Variants in RALYL observed in about 807,000 individuals in gnomAD.
RALYL encodes the protein RALY RNA binding protein like, also known as RNA-binding Raly-like protein.
A neutral mutation model predicts 35.1 loss-of-function variants in RALYL; 29 were observed. The ratio of observed to expected loss-of-function variants is 0.83; its 90% CI spans 0.61 to 1.13. The LOEUF is 1.13. RALYL is among the 50% of genes most tolerant of loss of function. RALYL has a pLI of 0.00. For synonymous variants in RALYL, 120 were observed against 127.6 expected (o/e 0.94, Z 0.40); for missense variants, 359 against 360.4 (o/e 1.00, Z 0.03).
Position 84,879,450 on chromosome 8 carries a change from A to G in RALYL, c.685+6053A>G, listed in dbSNP as rs1162277556. Among the ~76,000 whole-genome samples, 46 of 152,204 alleles carry G rather than the reference A, an allele frequency of 3.0e-4. 2 individuals are homozygous for G. The highest frequency in any genetic ancestry group is 3.0e-3 in the Admixed American group (46 of 15,262). On this transcript the variant is annotated intron_variant, in intron 7 of 8. Coordinates refer to ENST00000521268, the MANE Select transcript of RALYL (RefSeq NM_173848.7). ...AAAATTGTGTAAAAACTGAAAATTT[A>G]TTAAATCCAATTTACAATATGATTC... is the stretch of plus-strand genomic sequence containing the variant.
chr8:84,355,724 T>C (rs1486798810), intron 1 of RALYL, among the ~76,000 whole-genome samples: 2 of 150,182 alleles, frequency 1.3e-5, no homozygotes, highest in Non-Finnish European at 1.5e-5. Flanking sequence ...AAGTGGAAAG[T>C]GAGAAATCTA....
rs182686923 is a variant in RALYL, at chr8:84,215,635, C to T, written c.-24+31211C>T. Among the ~76,000 whole-genome samples the T allele has an allele frequency of 4.3e-4, 65 of 151,878 alleles. 1 individual carries two copies. Among genetic ancestry groups the T allele is most frequent in the Admixed American group, 3.8e-3 (58 of 15,244 alleles). On this transcript the variant is annotated intron_variant, in intron 1 of 8. Transcript: ENST00000521268. ...CTGTAGCTGCTTCTCTCTTTCCTGC[C>T]AATTTACTTCCTTGTCATATTAACA...
chr8:84,415,298 A>G (rs2044566455), intron 1 of RALYL, among the ~76,000 whole-genome samples: 1 of 150,258 alleles, frequency 6.7e-6, no homozygotes, highest in Non-Finnish European at 1.5e-5. Context: ...GCAACGGTGC[A>G]ATCTCGGCTC....
chr8:84,788,488 A>G (rs1177076001), intron 3 of RALYL, among the ~76,000 whole-genome samples: 1 of 152,220 alleles, frequency 6.6e-6, no homozygotes, highest in East Asian at 1.9e-4. Context: ...AAAAATGACA[A>G]ACACCATACA....
intron 1 of RALYL, among the ~76,000 whole-genome samples, chr8:84,426,375 C>T (rs768895066): frequency 3.3e-5 from 5 of 151,634 alleles, no homozygotes; most frequent in Admixed American, 1.3e-4. Flanking sequence ...CACTGATCTA[C>T]ATCTCCCCAT....
chr8:84,342,413 T>C (rs1849033061), intron 1 of RALYL, among the ~76,000 whole-genome samples: 1 of 149,776 alleles, frequency 6.7e-6, no homozygotes, highest in Non-Finnish European at 1.5e-5. Flanking sequence ...TTGATGTCTA[T>C]GGTTTTTATT....
At chr8:84,376,852 G>C (rs1002064486) in intron 1 of RALYL, among the ~76,000 whole-genome samples, 5 of 151,804 alleles carry the variant, frequency 3.3e-5, no homozygotes, top group Non-Finnish European at 7.4e-5. Context: ...TCCGGCAAAG[G>C]AGAGAACTTG....
chr8:84,839,706 G>A (rs1302286490), intron 4 of RALYL, among the ~76,000 whole-genome samples: 1 of 152,240 alleles, frequency 6.6e-6, no homozygotes, highest in East Asian at 1.9e-4. Context: ...AGCCTAACTG[G>A]GAGGCACTCC....
At chr8:84,328,532 T>A (rs1846241708) in intron 1 of RALYL, among the ~76,000 whole-genome samples, 1 of 152,222 alleles carries the variant, frequency 6.6e-6, no homozygotes, top group African/African-American at 2.4e-5. Context: ...ATGGCAAATA[T>A]GTACTTGAAA....
chr8:84,746,560 T>C (rs1326710900), intron 2 of RALYL, among the ~76,000 whole-genome samples: 1 of 152,004 alleles, frequency 6.6e-6, no homozygotes, highest in Non-Finnish European at 1.5e-5. Flanking sequence ...ACCTTTCTAG[T>C]GTATTGGACT....
intron 1 of RALYL, among the ~76,000 whole-genome samples, chr8:84,376,456 C>T (rs1856932233): frequency 6.6e-6 from 1 of 151,784 alleles, no homozygotes; most frequent in Non-Finnish European, 1.5e-5. Flanking sequence ...TACCACTTAC[C>T]TGCCTGTAGC....
At chr8:84,194,249 C>T (rs767815504) in intron 1 of RALYL, among the ~76,000 whole-genome samples, 1 of 152,070 alleles carries the variant, frequency 6.6e-6, no homozygotes, top group Non-Finnish European at 1.5e-5. Context: ...AAACCTGTAA[C>T]AGGATGACAA....
intron 1 of RALYL, among the ~76,000 whole-genome samples, chr8:84,308,609 C>T (rs73688476): frequency 0.019 from 2,928 of 152,120 alleles, 104 homozygotes; most frequent in African/African-American, 0.067. Flanking sequence ...TAGTCAAAAG[C>T]AATTGTAAAA....
chr8:84,792,697 G>A (rs887760444), intron 3 of RALYL, among the ~76,000 whole-genome samples: 7 of 152,148 alleles, frequency 4.6e-5, no homozygotes, highest in Non-Finnish European at 8.8e-5. Flanking sequence ...GAATGGCTGT[G>A]GTGGCTGAGC....
At chr8:84,225,251 G>A (rs936551451) in intron 1 of RALYL, among the ~76,000 whole-genome samples, 4 of 152,152 alleles carry the variant, frequency 2.6e-5, no homozygotes, top group African/African-American at 4.8e-5. Context: ...GCCAAGTCAT[G>A]TCATTTCTAG....
At chr8:84,830,823 TTAA>T (rs1830758386) in intron 4 of RALYL, among the ~76,000 whole-genome samples, 1 of 152,122 alleles carries the variant, frequency 6.6e-6, no homozygotes, top group African/African-American at 2.4e-5. Context: ...AAATGTTTTC[TTAA>T]TAATATTCAG....
intron 1 of RALYL, among the ~76,000 whole-genome samples, chr8:84,450,564 A>C (rs2049354222): frequency 6.6e-6 from 1 of 151,930 alleles, no homozygotes; most frequent in East Asian, 1.9e-4. Context: ...CTAGTATTTT[A>C]ATTTTTGCAG....
intron 8 of RALYL, among the ~76,000 whole-genome samples, chr8:84,914,981 G>A (rs1848213885): frequency 1.3e-5 from 2 of 152,024 alleles, no homozygotes; most frequent in South Asian, 2.1e-4. Context: ...ATCAGAGAAA[G>A]CTCTAGTCTG....
intron 1 of RALYL, among the ~76,000 whole-genome samples, chr8:84,220,059 A>G (rs1821818809): frequency 6.6e-6 from 1 of 152,036 alleles, no homozygotes; most frequent in South Asian, 2.1e-4. Context: ...TAGGGTACTC[A>G]GCAAAGTTTT....
Sources: allele counts gnomAD v4.1 joint callset (sites outside exome capture counted in the v4.1 genomes callset), GRCh38; gene constraint gnomAD v4.1.1; transcripts MANE v1.5; gene names NCBI Gene and HGNC (gene_info 2026-07-23, HGNC 2026-07-21).